XNDC1N: variants seen among roughly 807,000 people sequenced by gnomAD.
XNDC1N encodes XRCC1 N-terminal domain containing 1, N-terminal like, also known as protein XNDC1N.
chr11:71,923,382 A>G, the XNDC1N span: 2 of 702,650 alleles, frequency 2.8e-6, no homozygotes, highest in Non-Finnish European at 5.2e-6. Context: ...TTCAAGTACA[A>G]GACAAAAATG....
At chr11:71,920,164 T>G in the XNDC1N span, among the ~76,000 whole-genome samples, 2 of 149,900 alleles carry the variant, frequency 1.3e-5, no homozygotes, top group Admixed American at 6.7e-5. Context: ...TTTCACGTGT[T>G]AGCCAGGATG....
At chr11:71,926,383 C>T in the XNDC1N span, among the ~76,000 whole-genome samples, 1 of 152,226 alleles carries the variant, frequency 6.6e-6, no homozygotes, top group East Asian at 1.9e-4. Flanking sequence ...CTTACAAAAA[C>T]TGTTGCTGCC....
the XNDC1N span, chr11:71,919,150 C>T: frequency 1.6e-6 from 1 of 624,844 alleles, no homozygotes; most frequent in Middle Eastern, 2.8e-4. Context: ...AGAAAAGGCA[C>T]CAGATGGGAG....
the XNDC1N span, among the ~76,000 whole-genome samples, chr11:71,895,542 G>T: frequency 7.0e-6 from 1 of 143,454 alleles, no homozygotes; most frequent in Non-Finnish European, 1.5e-5. Context: ...GGTCAGGCTG[G>T]TCTTGAACTC....
At chr11:71,909,246 C>T in the XNDC1N span, among the ~76,000 whole-genome samples, 3 of 151,802 alleles carry the variant, frequency 2.0e-5, no homozygotes, top group South Asian at 2.1e-4. Context: ...TGCAGTAAGC[C>T]GTAAGGAAAA....
At chr11:71,891,682 G>C in the XNDC1N span, among the ~76,000 whole-genome samples, 4 of 152,022 alleles carry the variant, frequency 2.6e-5, no homozygotes, top group African/African-American at 9.7e-5. Flanking sequence ...TCGATATTGG[G>C]AGTAATATCA....
chr11:71,884,672 A>G, the XNDC1N span: 1 of 1,357,772 alleles, frequency 7.4e-7, no homozygotes, highest in South Asian at 1.3e-5. Flanking sequence ...GCATGTTTAG[A>G]TGGTCAGGTG....
chr11:71,907,391 C>T, the XNDC1N span, among the ~76,000 whole-genome samples: 2 of 151,528 alleles, frequency 1.3e-5, no homozygotes, highest in East Asian at 2.0e-4. Flanking sequence ...GCCCCTCTTG[C>T]CCCCCTGGCT....
At chr11:71,917,914 G>A in the XNDC1N span, 1 of 603,490 alleles carries the variant, frequency 1.7e-6, no homozygotes. Context: ...AGTCCCACAG[G>A]GAGCCAGTAA....
chr11:71,870,404 C>T, the XNDC1N span, among the ~76,000 whole-genome samples: 1 of 152,164 alleles, frequency 6.6e-6, no homozygotes, highest in Non-Finnish European at 1.5e-5. Flanking sequence ...GTACCAGGCT[C>T]CTGGCTTTGT....
chr11:71,870,278 T>C, the XNDC1N span, among the ~76,000 whole-genome samples: 1 of 152,146 alleles, frequency 6.6e-6, no homozygotes, highest in African/African-American at 2.4e-5. Context: ...ACACCTTTGA[T>C]GGTTTGATTG....
the XNDC1N span, chr11:71,884,744 A>G: frequency 6.5e-6 from 6 of 919,066 alleles, no homozygotes; most frequent in South Asian, 1.0e-4. Flanking sequence ...TTTAACATTT[A>G]CTCCCTTAAT....
chr11:71,896,661 T>C, the XNDC1N span, among the ~76,000 whole-genome samples: 4 of 152,222 alleles, frequency 2.6e-5, no homozygotes, highest in Non-Finnish European at 5.9e-5. Context: ...CCTCCTGGGT[T>C]CAAGCGATTC....
At chr11:71,867,696 G>T in the XNDC1N span, among the ~76,000 whole-genome samples, 2 of 152,198 alleles carry the variant, frequency 1.3e-5, no homozygotes, top group East Asian at 3.8e-4. Context: ...GCTGAATATT[G>T]TTTTATGGCC....
the XNDC1N span, among the ~76,000 whole-genome samples, chr11:71,866,203 C>T: frequency 6.7e-6 from 1 of 150,316 alleles, no homozygotes; most frequent in Non-Finnish European, 1.5e-5. Context: ...ATATCTTAAC[C>T]ATTGAGATTT....
the XNDC1N span, chr11:71,923,511 T>C: frequency 1.6e-6 from 1 of 613,710 alleles, no homozygotes; most frequent in South Asian, 1.9e-5. Context: ...AAACTAGCCA[T>C]GGCTGTGGTA....
chr11:71,884,809 AG>A, the XNDC1N span, among the ~76,000 whole-genome samples: 2 of 152,094 alleles, frequency 1.3e-5, no homozygotes, highest in Non-Finnish European at 2.9e-5. Context: ...CGATGCGGGG[AG>A]TAAGAGCCAG....
chr11:71,914,210 A>T, the XNDC1N span: 36 of 448,680 alleles, frequency 8.0e-5, no homozygotes, highest in Non-Finnish European at 1.5e-4. Context: ...TGGATCTAGG[A>T]AAGTAAATTA....
At chr11:71,919,843 T>G in the XNDC1N span, among the ~76,000 whole-genome samples, 1 of 145,616 alleles carries the variant, frequency 6.9e-6, no homozygotes, top group African/African-American at 2.5e-5. Flanking sequence ...GGTCTCGATC[T>G]CCTGACCTCG....
Sources: allele counts gnomAD v4.1 joint callset (sites outside exome capture counted in the v4.1 genomes callset), GRCh38; gene constraint gnomAD v4.1.1; transcripts MANE v1.5; gene names NCBI Gene and HGNC (gene_info 2026-07-23, HGNC 2026-07-21).